The following IRAK2 variants were observed in gnomAD, a reference collection of about 807,000 sequenced individuals.
IRAK2 encodes the protein interleukin 1 receptor associated kinase 2.
A neutral mutation model predicts 72.0 loss-of-function variants in IRAK2; 57 were observed. The ratio of observed to expected loss-of-function variants is 0.79; its 90% CI spans 0.64 to 0.99. IRAK2 has a LOEUF of 0.99. Ranked by LOEUF, IRAK2 falls within the 50% of genes least tolerant of loss-of-function variation. The pLI is 0.00. For missense variants in IRAK2, 790 were observed against 794.4 expected (o/e 0.99, Z 0.07); for synonymous variants, 293 against 312.7 (o/e 0.94, Z 0.67).
At chr3:10,206,389 G>T (rs561818420) in intron 3 of IRAK2, among the ~76,000 whole-genome samples, 1 of 152,248 alleles carries the variant, frequency 6.6e-6, no homozygotes, top group Non-Finnish European at 1.5e-5. Flanking sequence ...CATTCTCCTG[G>T]CTGCTAGATT....
At chr3:10,221,399 G>A (rs557105455) in intron 8 of IRAK2, among the ~76,000 whole-genome samples, 3 of 150,376 alleles carry the variant, frequency 2.0e-5, no homozygotes, top group South Asian at 2.1e-4. Context: ...GACTACAGGC[G>A]CCTGCCACCA....
At chr3:10,179,129 A>AT (rs1273172729) in intron 2 of IRAK2, among the ~76,000 whole-genome samples, 3 of 151,878 alleles carry the variant, frequency 2.0e-5, no homozygotes, top group Admixed American at 6.6e-5. Context: ...TGTATTGTGA[A>AT]TTTTTTTTCA....
intron 7 of IRAK2, among the ~76,000 whole-genome samples, chr3:10,217,611 G>T (rs1344396815): frequency 6.6e-6 from 1 of 152,238 alleles, no homozygotes; most frequent in Non-Finnish European, 1.5e-5. Context: ...ACTGGCTGCT[G>T]CTAGGGAGCA....
intron 7 of IRAK2, among the ~76,000 whole-genome samples, chr3:10,218,427 A>G (rs1697638129): frequency 8.0e-6 from 1 of 125,400 alleles, no homozygotes; most frequent in East Asian, 2.0e-4. Context: ...CCGTCTCAAA[A>G]AAAAAAAAAA....
At chr3:10,198,188 G>C (rs1289612032) in intron 2 of IRAK2, among the ~76,000 whole-genome samples, 1 of 152,164 alleles carries the variant, frequency 6.6e-6, no homozygotes, top group East Asian at 1.9e-4. Context: ...GACAGAGCGA[G>C]ACTCCGTCTC....
chr3:10,172,556 A>AAG (rs1438267445), intron 1 of IRAK2, among the ~76,000 whole-genome samples: 2 of 138,510 alleles, frequency 1.4e-5, no homozygotes, highest in African/African-American at 5.3e-5. Flanking sequence ...AAAAAAAAAA[A>AAG]AGGCCGGGCG....
chr3:10,210,922 C>T (rs1442469097), intron 4 of IRAK2, among the ~76,000 whole-genome samples: 1 of 151,978 alleles, frequency 6.6e-6, no homozygotes, highest in African/African-American at 2.4e-5. Flanking sequence ...TGCAGTGGCA[C>T]GATCTTGGTC....
chr3:10,242,216 C>G lies in IRAK2; in HGVS notation c.1866C>G (p.Leu622=), dbSNP rs369701928. The G allele has an allele frequency of 1.1e-5, 18 of 1,604,158 alleles. No homozygotes were observed. In the African/African-American group the frequency reaches 2.1e-4, roughly 19 times the overall value. The change falls in exon 13 of 13, where the codon CTC becomes CTG. Residue 622 remains leucine (L), a synonymous_variant. Coordinates refer to ENST00000256458, the MANE Select transcript of IRAK2 (RefSeq NM_001570.4). ...YKEEKVDSIE[L]FGP is the part of the protein sequence containing the mutation. ...AGGAAAAAGTGGACAGCATTGAGCT[C>G]TTTGGCCCCTGATGACCGGAACACA... is the stretch of plus-strand genomic sequence containing the variant.
intron 12 of IRAK2, among the ~76,000 whole-genome samples, chr3:10,240,246 G>C (rs889070613): frequency 1.3e-5 from 2 of 151,632 alleles, no homozygotes; most frequent in Non-Finnish European, 1.5e-5. Context: ...CACGAGTTCA[G>C]GAGTCCGAGA....
At position 10,175,655 on chromosome 3, in the gene IRAK2, C is replaced by T. The variant is rs191749369; in HGVS notation, c.95-2183C>T. Reference sequence around the variant, plus strand: ...CTGTAATCCCAGTACTTTGGGAGGCCGAGGCAGGCGCATCACAAGGTCAGG... The same window carrying T: ...CTGTAATCCCAGTACTTTGGGAGGCTGAGGCAGGCGCATCACAAGGTCAGG... On this transcript the variant is annotated intron_variant, in intron 1 of 12. Transcript: ENST00000256458. 9.5e-3 allele frequency among the ~76,000 whole-genome samples: 1,438 copies of T among 151,846 alleles called. 48 individuals carry two copies. The highest frequency in any genetic ancestry group is 0.03 in the South Asian group (144 of 4,798).
At chr3:10,218,520 A>C (rs1274508178) in intron 7 of IRAK2, among the ~76,000 whole-genome samples, 3 of 151,578 alleles carry the variant, frequency 2.0e-5, no homozygotes. Context: ...GCTTTAGCCC[A>C]TCCCACAATC....
intron 3 of IRAK2, among the ~76,000 whole-genome samples, chr3:10,206,893 C>T (rs1697441592): frequency 6.6e-6 from 1 of 151,158 alleles, no homozygotes; most frequent in African/African-American, 2.4e-5. Context: ...CTCGCTCTGT[C>T]CCCCAGGCTG....
intron 1 of IRAK2, among the ~76,000 whole-genome samples, chr3:10,168,730 C>G (rs1162064700): frequency 1.3e-5 from 2 of 152,126 alleles, no homozygotes; most frequent in Non-Finnish European, 2.9e-5. Context: ...ACACATCTGC[C>G]CAGTGCTGGC....
At chr3:10,210,429 G>A (rs1697500338) in intron 4 of IRAK2, among the ~76,000 whole-genome samples, 1 of 152,038 alleles carries the variant, frequency 6.6e-6, no homozygotes, top group South Asian at 2.1e-4. Context: ...ATCCAAGCAG[G>A]ATTAAAAATG....
intron 2 of IRAK2, among the ~76,000 whole-genome samples, chr3:10,186,395 C>A (rs1004530176): frequency 6.6e-6 from 1 of 151,646 alleles, no homozygotes; most frequent in Non-Finnish European, 1.5e-5. Flanking sequence ...TAATCACAGC[C>A]GAAGATCCAG....
chr3:10,172,708 C>T (rs1391534928), intron 1 of IRAK2, among the ~76,000 whole-genome samples: 5 of 147,924 alleles, frequency 3.4e-5, no homozygotes, highest in African/African-American at 7.5e-5. Context: ...CATGGTGGCA[C>T]ATGCCTGTAG....
intron 10 of IRAK2, among the ~76,000 whole-genome samples, chr3:10,232,738 C>G (rs1697879042): frequency 6.8e-6 from 1 of 147,524 alleles, no homozygotes; most frequent in Non-Finnish European, 1.5e-5. Context: ...TCTTGATTAT[C>G]AGCTTTAAAC....
intron 2 of IRAK2, among the ~76,000 whole-genome samples, chr3:10,187,943 C>A (rs982642988): frequency 6.6e-6 from 1 of 152,124 alleles, no homozygotes; most frequent in Admixed American, 6.5e-5. Flanking sequence ...CGCCATCACC[C>A]TGGGGCTTAA....
At chr3:10,237,495 C>T (rs537532113) in intron 11 of IRAK2, among the ~76,000 whole-genome samples, 1 of 152,138 alleles carries the variant, frequency 6.6e-6, no homozygotes, top group East Asian at 1.9e-4. Flanking sequence ...TATAAAAATT[C>T]ATGCATTGTG....
Sources: allele counts gnomAD v4.1 joint callset (sites outside exome capture counted in the v4.1 genomes callset), GRCh38; gene constraint gnomAD v4.1.1; transcripts MANE v1.5; gene names NCBI Gene and HGNC (gene_info 2026-07-23, HGNC 2026-07-21).